Variants in CDK5RAP2 observed in about 807,000 individuals in gnomAD.
CDK5RAP2 encodes the protein CDK5 regulatory subunit associated protein 2.
In CDK5RAP2, 147 loss-of-function variants were observed where a neutral mutation model predicts 232.9. The observed-to-expected ratio is 0.63, with a 90% CI of 0.55 to 0.72. The LOEUF is 0.72. Among genes scored for constraint, CDK5RAP2 ranks in the 30% least tolerant of loss-of-function variants. The pLI is 0.00. For missense variants in CDK5RAP2, 2,195 were observed against 2,231.5 expected (o/e 0.98, Z 0.33); for synonymous variants, 833 against 833.7 (o/e 1.00, Z 0.01).
intron 27 of CDK5RAP2, among the ~76,000 whole-genome samples, chr9:120,416,247 A>T (rs1049962068): frequency 6.6e-6 from 1 of 152,208 alleles, no homozygotes; most frequent in Non-Finnish European, 1.5e-5. Flanking sequence ...TTCTGAGGCC[A>T]ATCGCAAGCC....
At chr9:120,517,892 T>C in intron 12 of CDK5RAP2, 1 of 342,818 alleles carries the variant, frequency 2.9e-6, no homozygotes, top group Non-Finnish European at 5.9e-6. Flanking sequence ...AGACCCTGTC[T>C]CAAAAAAAAC....
intron 12 of CDK5RAP2, among the ~76,000 whole-genome samples, chr9:120,504,712 C>T (rs1034804579): frequency 2.0e-5 from 3 of 152,246 alleles, no homozygotes; most frequent in Non-Finnish European, 2.9e-5. Context: ...AAGGCTCCTA[C>T]TAGTGGGCTT....
chr9:120,509,202 T>C lies in CDK5RAP2; in HGVS notation c.1311+9225A>G, dbSNP rs553210462. On this transcript the variant is annotated intron_variant, in intron 12 of 37. Transcript: ENST00000349780. Reference sequence around the variant, plus strand: ...ACTTTCTTCAGAGGAGAGGTTACTATTGATCAAGGAAGAAATTTATAGCTT... The same window carrying C: ...ACTTTCTTCAGAGGAGAGGTTACTACTGATCAAGGAAGAAATTTATAGCTT... 1.6e-4 allele frequency among the ~76,000 whole-genome samples: 24 copies of C among 152,330 alleles called. No individual in the cohort carries two copies. In the East Asian group the frequency reaches 4.6e-3, roughly 29 times the overall value.
At chr9:120,510,539 A>C (rs1357836665) in intron 12 of CDK5RAP2, among the ~76,000 whole-genome samples, 1 of 152,012 alleles carries the variant, frequency 6.6e-6, no homozygotes. Context: ...GATTTCCCTC[A>C]CCCTTCACCA....
chr9:120,560,679 C>T (rs559292609), intron 3 of CDK5RAP2, among the ~76,000 whole-genome samples: 2 of 152,138 alleles, frequency 1.3e-5, no homozygotes, highest in Non-Finnish European at 2.9e-5. Context: ...TGCAGTGGCG[C>T]GATCTCGGCT....
In CDK5RAP2 at chr9:120,422,757, A is replaced by G. The variant is rs2034644349; in HGVS notation, c.3956-16T>C. 8.7e-6 allele frequency: 14 copies of G among 1,606,656 alleles called. No homozygotes were observed. The highest frequency in any genetic ancestry group is 1.2e-5 in the Non-Finnish European group (14 of 1,173,372). On this transcript the variant is annotated splice_polypyrimidine_tract_variant and intron_variant, in intron 25 of 37. Transcript: ENST00000349780. ...ACTGATTTTCCTGGAAGCAGAAATAACATCAAGAAAGGAGGAGAAAAAAAT... is the reference window on the plus strand; with the variant it reads ...ACTGATTTTCCTGGAAGCAGAAATAGCATCAAGAAAGGAGGAGAAAAAAAT...
intron 23 of CDK5RAP2, among the ~76,000 whole-genome samples, chr9:120,441,760 C>T (rs2035911607): frequency 6.6e-6 from 1 of 152,172 alleles, no homozygotes; most frequent in Non-Finnish European, 1.5e-5. Flanking sequence ...AAAGCAGCTG[C>T]TACCTGACCT....
chr9:120,441,007 A>G (rs1378972509), intron 23 of CDK5RAP2, among the ~76,000 whole-genome samples: 1 of 152,228 alleles, frequency 6.6e-6, no homozygotes, highest in African/African-American at 2.4e-5. Flanking sequence ...AACTTGTTTC[A>G]GAAGTGGAGT....
chr9:120,432,825 C>T (rs1416209278), intron 25 of CDK5RAP2, among the ~76,000 whole-genome samples: 3 of 152,220 alleles, frequency 2.0e-5, no homozygotes, highest in Non-Finnish European at 4.4e-5. Context: ...CAGCTCTCCA[C>T]TTCCTAGGGC....
chr9:120,447,852 C>A, intron 22 of CDK5RAP2, 43 bp downstream of exon 22: 1 of 1,371,736 alleles, frequency 7.3e-7, no homozygotes, highest in South Asian at 1.2e-5. Flanking sequence ...TCTATCGAGC[C>A]GTTTGTCTAG....
chr9:120,455,232 T>C (rs2036694030), intron 20 of CDK5RAP2, among the ~76,000 whole-genome samples: 1 of 151,684 alleles, frequency 6.6e-6, no homozygotes, highest in African/African-American at 2.4e-5. Context: ...GCTTCTAACA[T>C]CAGTGAGAGG....
At chr9:120,545,572 A>T (rs946183874) in intron 5 of CDK5RAP2, 142 bp downstream of exon 5, 1 of 739,522 alleles carries the variant, frequency 1.4e-6, no homozygotes, top group African/African-American at 1.7e-5. Context: ...TGAAAAGTAA[A>T]TAATTAAGTA....
intron 18 of CDK5RAP2, among the ~76,000 whole-genome samples, chr9:120,465,933 A>G (rs907504476): frequency 6.6e-5 from 10 of 152,236 alleles, no homozygotes; most frequent in African/African-American, 2.2e-4. Context: ...CCACATGTTC[A>G]TACACACAAA....
chr9:120,435,084 T>C (rs915579103), intron 25 of CDK5RAP2, among the ~76,000 whole-genome samples: 33 of 152,138 alleles, frequency 2.2e-4, no homozygotes, highest in African/African-American at 7.5e-4. Context: ...TAAAAACAAA[T>C]GAATCTAATT....
rs564700232 is a variant in CDK5RAP2 at position 120,501,807 on chromosome 9, C to T, written c.1312-10330G>A. On this transcript the variant is annotated intron_variant, in intron 12 of 37. Transcript: ENST00000349780. ...GAGCAGAATACCCAGCTATGCCCTGCCCAAGTCCTTGGCTCGCAAACTCAT... is the reference window on the plus strand; with the variant it reads ...GAGCAGAATACCCAGCTATGCCCTGTCCAAGTCCTTGGCTCGCAAACTCAT... 6.6e-5 allele frequency among the ~76,000 whole-genome samples: 10 copies of T among 152,300 alleles called. No homozygotes were observed. The East Asian group carries it at 1.2e-3, about 18-fold the overall frequency.
chr9:120,491,628 A>C (rs1213772605), intron 12 of CDK5RAP2, 151 bp from the exon 13 acceptor site: 1 of 591,246 alleles, frequency 1.7e-6, no homozygotes, highest in Admixed American at 3.2e-5. Flanking sequence ...TCTCACTTAA[A>C]ATCTTACAAA....
At chr9:120,521,228 C>CA (rs770347234) in intron 11 of CDK5RAP2, among the ~76,000 whole-genome samples, 29 of 152,212 alleles carry the variant, frequency 1.9e-4, no homozygotes, top group Non-Finnish European at 4.3e-4. Flanking sequence ...GAGCTAACAA[C>CA]ACTTACTGTG....
intron 5 of CDK5RAP2, among the ~76,000 whole-genome samples, chr9:120,545,201 C>A (rs1285355990): frequency 6.6e-6 from 1 of 152,154 alleles, no homozygotes; most frequent in East Asian, 1.9e-4. Context: ...CATCAGGACC[C>A]CTTCAAGTCA....
chr9:120,551,238 A>G (rs2042030887), intron 3 of CDK5RAP2, among the ~76,000 whole-genome samples: 1 of 152,246 alleles, frequency 6.6e-6, no homozygotes, highest in African/African-American at 2.4e-5. Context: ...TAAATGTAGA[A>G]TACAAGGAAC....
Sources: gnomAD v4.1 joint callset for allele counts (sites outside exome capture counted in the v4.1 genomes callset) on GRCh38, gnomAD v4.1.1 for gene constraint, MANE v1.5 for transcripts, NCBI Gene and HGNC (gene_info 2026-07-23, HGNC 2026-07-21) for gene names.